The following ABCC4 variants were observed in gnomAD, a reference collection of about 807,000 sequenced individuals.
ABCC4 encodes the protein ATP-binding cassette sub-family C member 4.
In ABCC4, 102 loss-of-function variants were observed where a neutral mutation model predicts 168.5. The observed-to-expected ratio is 0.61, with a 90% confidence interval of 0.52 to 0.71. The LOEUF is 0.71. Among genes scored for constraint, ABCC4 ranks in the 30% least tolerant of loss-of-function variants. The probability of loss-of-function intolerance (pLI) is 0.00; values close to 1 mark genes in which losing one functional copy is unlikely to be tolerated. For synonymous variants in ABCC4, 617 were observed against 590.7 expected, an observed-to-expected ratio of 1.04 and a Z score of -0.65; for missense variants, 1,402 against 1,605.8, an observed-to-expected ratio of 0.87 and a Z score of 2.17.
At chr13:95,280,546 C>A (rs986991061) in intron 1 of ABCC4, among the ~76,000 whole-genome samples, 1 of 145,670 alleles carries the variant, frequency 6.9e-6, no homozygotes, top group East Asian at 2.0e-4. Context: ...TCACTAGTAG[C>A]TGCCATTTGC....
At chr13:95,087,539 G>T (rs2034298128) in intron 20 of ABCC4, among the ~76,000 whole-genome samples, 1 of 152,154 alleles carries the variant, frequency 6.6e-6, no homozygotes, top group African/African-American at 2.4e-5. Context: ...AACAGGTTGT[G>T]CTCCTGGCTA....
At chr13:95,282,837 G>T (rs1490648099) in intron 1 of ABCC4, among the ~76,000 whole-genome samples, 2 of 151,872 alleles carry the variant, frequency 1.3e-5, no homozygotes, top group Non-Finnish European at 2.9e-5. Context: ...CCAGCCTAAA[G>T]TATGTTAAAT....
At chr13:95,272,107 C>T (rs543222048) in intron 1 of ABCC4, among the ~76,000 whole-genome samples, 6 of 151,910 alleles carry the variant, frequency 3.9e-5, no homozygotes, top group African/African-American at 1.4e-4. Flanking sequence ...TGCAATGGCA[C>T]GATCTCGGCT....
At chr13:95,287,693 G>T (rs748890550) in intron 1 of ABCC4, among the ~76,000 whole-genome samples, 1 of 152,066 alleles carries the variant, frequency 6.6e-6, no homozygotes, top group Admixed American at 6.6e-5. Flanking sequence ...TGAGGATGTA[G>T]TGTGCCTGTG....
intron 29 of ABCC4, among the ~76,000 whole-genome samples, chr13:95,040,962 T>C (rs746847171): frequency 6.6e-5 from 10 of 152,342 alleles, no homozygotes; most frequent in Middle Eastern, 3.4e-3. Flanking sequence ...TCACTCACAC[T>C]ACCAGGGAGA....
At chr13:95,136,868 G>C (rs527409304) in intron 19 of ABCC4, among the ~76,000 whole-genome samples, 14 of 152,366 alleles carry the variant, frequency 9.2e-5, no homozygotes, top group African/African-American at 3.4e-4. Flanking sequence ...GCCACTGCCA[G>C]CATGTGCTGC....
chr13:95,246,455 C>T (rs1464450942), intron 3 of ABCC4, among the ~76,000 whole-genome samples: 4 of 152,180 alleles, frequency 2.6e-5, no homozygotes, highest in African/African-American at 4.8e-5. Flanking sequence ...TCTGTTTCCC[C>T]GAGAGGGGAG....
At position 95,178,064 on chromosome 13, in the gene ABCC4, G is replaced by T; in HGVS notation, c.1573C>A (p.Leu525Met). 1 of 1,614,180 alleles carries T rather than the reference G, an allele frequency of 6.2e-7. No homozygotes were observed. The highest frequency in any genetic ancestry group is 8.5e-7 in the Non-Finnish European group (1 of 1,180,012). ...KDLQLLEDGD[L>M]TVIGDRGTTL... ...GTTCCCCGATCTCCTATCACAGTCA[G>T]ATCACCATCCTCCAACAGCTGTAAA... The change falls in exon 12 of 31, where the codon CTG becomes ATG. Residue 525 changes from leucine to methionine, a missense_variant. Coordinates refer to ENST00000645237, the MANE Select transcript of ABCC4 (RefSeq NM_005845.5).
intron 29 of ABCC4, among the ~76,000 whole-genome samples, chr13:95,041,679 A>G (rs2032366629): frequency 6.6e-6 from 1 of 152,172 alleles, no homozygotes; most frequent in Non-Finnish European, 1.5e-5. Flanking sequence ...AAACAAGGGG[A>G]AAAAACAAAC....
intron 19 of ABCC4, among the ~76,000 whole-genome samples, chr13:95,133,605 G>A (rs923519201): frequency 6.6e-6 from 1 of 152,126 alleles, no homozygotes; most frequent in African/African-American, 2.4e-5. Context: ...TGGTGAGAGA[G>A]ATGAGACAGT....
At chr13:95,189,284 C>A (rs2038178723) in intron 9 of ABCC4, among the ~76,000 whole-genome samples, 1 of 151,254 alleles carries the variant, frequency 6.6e-6, no homozygotes, top group Non-Finnish European at 1.5e-5. Context: ...CAGGCGCCTG[C>A]CACTGCGCCC....
At chr13:95,061,594 T>TTTTGTG (rs1292383744) in intron 26 of ABCC4, among the ~76,000 whole-genome samples, 7 of 133,940 alleles carry the variant, frequency 5.2e-5, no homozygotes, top group African/African-American at 1.7e-4. Context: ...GAATATGTGT[T>TTTTGTG]TGTGTGTGTG....
chr13:95,104,648 T>C (rs2034935545), intron 20 of ABCC4, among the ~76,000 whole-genome samples: 1 of 152,218 alleles, frequency 6.6e-6, no homozygotes. Context: ...GCATTCCTGT[T>C]TCATCAGTTT....
Position 95,039,888 on chromosome 13 carries a change from C to G in ABCC4, c.3735+3794G>C, listed in dbSNP as rs1304857443. Among the ~76,000 whole-genome samples, 3 of 152,210 alleles carry G rather than the reference C, an allele frequency of 2.0e-5. No individual in the cohort carries two copies. The South Asian group carries it at 6.2e-4, about 32-fold the overall frequency. ...GAAAAGAAAAGCTCGGAACAGCTTT[C>G]ACTATGGCAGCAAGCAATACAGAGA... On this transcript the variant is annotated intron_variant, in intron 29 of 30. Coordinates refer to ENST00000645237, the MANE Select transcript of ABCC4 (RefSeq NM_005845.5).
intron 30 of ABCC4, among the ~76,000 whole-genome samples, chr13:95,032,641 T>A (rs1008464796): frequency 2.1e-4 from 31 of 149,118 alleles, no homozygotes; most frequent in Non-Finnish European, 4.3e-4. Flanking sequence ...TACCATTAGA[T>A]ATGGGAACAT....
In ABCC4 at chr13:95,220,022, A is replaced by AT. The variant is rs60994275; in HGVS notation, c.532-9242dup. The stretch of plus-strand genomic sequence containing the variant: ...AGGCATGCGCCATCATGCCTGGCTA[A>AT]TTTTTTTTTTTTTTTTTAGTTTTAG... On this transcript the variant is annotated intron_variant, in intron 4 of 30. Coordinates refer to ENST00000645237, the MANE Select transcript of ABCC4 (RefSeq NM_005845.5). Among the ~76,000 whole-genome samples the AT allele has an allele frequency of 4.8e-3, 689 of 144,944 alleles. 8 individuals are homozygous for AT. Among genetic ancestry groups the AT allele is most frequent in the African/African-American group, 0.015 (589 of 39,160 alleles).
chr13:95,150,964 T>C (rs548684245), intron 19 of ABCC4, among the ~76,000 whole-genome samples: 5 of 152,354 alleles, frequency 3.3e-5, no homozygotes, highest in Non-Finnish European at 2.9e-5. Flanking sequence ...ACTGGTATGA[T>C]TTCTTTTGAA....
At chr13:95,252,162 G>A (rs961545045) in intron 1 of ABCC4, among the ~76,000 whole-genome samples, 3 of 152,060 alleles carry the variant, frequency 2.0e-5, no homozygotes, top group African/African-American at 4.8e-5. Flanking sequence ...ATATGCCAAG[G>A]AGAAGCCACA....
chr13:95,224,702 A>C (rs1049480287), intron 4 of ABCC4, among the ~76,000 whole-genome samples: 1 of 151,778 alleles, frequency 6.6e-6, no homozygotes, highest in Non-Finnish European at 1.5e-5. Flanking sequence ...GTGCCACTGC[A>C]CTCCAGTCTG....
Sources: allele counts gnomAD v4.1 joint callset (sites outside exome capture counted in the v4.1 genomes callset), GRCh38; gene constraint gnomAD v4.1.1; transcripts MANE v1.5; gene names NCBI Gene and HGNC (gene_info 2026-07-23, HGNC 2026-07-21).